Variants in SPOCK2 observed in about 807,000 individuals in gnomAD.
SPOCK2 encodes the protein testican-2.
SPOCK2 carries 39 observed loss-of-function variants against 60.1 expected under a neutral mutation model. The observed-to-expected ratio is 0.65, with a 90% CI of 0.50 to 0.85. The LOEUF is 0.85. Ranked by LOEUF, SPOCK2 falls within the 40% of genes least tolerant of loss-of-function variation. SPOCK2 has a pLI of 0.00. For missense variants in SPOCK2, 523 were observed against 567.4 expected (o/e 0.92, Z 0.80); for synonymous variants, 217 against 231.5 (o/e 0.94, Z 0.57).
rs1206818572 is a variant in SPOCK2, at chr10:72,086,532, G to A, written c.189+1608C>T. ...GCCAGTGACACATGGATTCCGGATG[G>A]GCCGGCCTGCTGCCGCCCCCTCGCT... is the stretch of plus-strand genomic sequence containing the variant. On this transcript the variant is annotated intron_variant, in intron 1 of 10. Coordinates refer to ENST00000373109, the MANE Select transcript of SPOCK2 (RefSeq NM_001244950.2). 6.1e-5 allele frequency: 69 copies of A among 1,136,324 alleles called. 1 individual carries two copies. In the Middle Eastern group the frequency reaches 2.0e-3, roughly 33 times the overall value. The allele number at this position is 1,136,324 out of a possible 1,614,324, so 70.4% of individuals were successfully genotyped here. A position where few individuals can be genotyped will look rare whatever the true frequency, so the allele number is the denominator to read the frequency against.
chr10:72,067,623 G>A lies in SPOCK2; in HGVS notation c.699C>T (p.Gly233=). Residue 233 remains glycine (G), a synonymous_variant, in exon 7 of 11, where the codon GGC becomes GGT. Transcript: ENST00000373109. ...KQNGSASSVA[G]PASGLDKSLG... ...CAGCAAGCTTCCTACCGCTGGCCGG[G>A]CCGGCTACACTGCTGGCTGAGCCAT... 6.2e-7 allele frequency: 1 copy of A among 1,612,848 alleles called. No homozygotes were observed. The highest frequency in any genetic ancestry group is 8.5e-7 in the Non-Finnish European group (1 of 1,180,000).
chr10:72,066,185 TTA>T (rs916187403), intron 8 of SPOCK2, among the ~76,000 whole-genome samples: 7 of 152,084 alleles, frequency 4.6e-5, no homozygotes, highest in African/African-American at 1.7e-4. Context: ...ATGTAATCAC[TTA>T]TTGGTGGCAC....
chr10:72,075,519 G>A (rs569950757), intron 1 of SPOCK2, among the ~76,000 whole-genome samples: 2 of 152,328 alleles, frequency 1.3e-5, no homozygotes, highest in South Asian at 2.1e-4. Flanking sequence ...ACCAGGCCGT[G>A]AGTGGAATTT....
intron 1 of SPOCK2, among the ~76,000 whole-genome samples, chr10:72,083,174 C>T (rs968323494): frequency 7.2e-5 from 11 of 152,210 alleles, no homozygotes; most frequent in Non-Finnish European, 1.2e-4. Flanking sequence ...ATACACCCTC[C>T]CCTAATCTGG....
intron 1 of SPOCK2, among the ~76,000 whole-genome samples, chr10:72,075,235 T>C (rs984628995): frequency 2.0e-5 from 3 of 152,024 alleles, no homozygotes; most frequent in Admixed American, 1.3e-4. Flanking sequence ...TGGCAACTGG[T>C]CTCCATCAGC....
chr10:72,075,452 G>T (rs1840703958), intron 1 of SPOCK2, among the ~76,000 whole-genome samples: 1 of 152,152 alleles, frequency 6.6e-6, no homozygotes, highest in Non-Finnish European at 1.5e-5. Flanking sequence ...GTCATCTGAG[G>T]CCCCTGGCAC....
At chr10:72,074,680 G>T (rs771296156) in intron 1 of SPOCK2, among the ~76,000 whole-genome samples, 1 of 152,166 alleles carries the variant, frequency 6.6e-6, no homozygotes, top group Non-Finnish European at 1.5e-5. Context: ...TGCCTCTTCC[G>T]CAGTGAGAGA....
At chr10:72,066,841 T>G in intron 8 of SPOCK2, 61 bp downstream of exon 8, 1 of 1,597,188 alleles carries the variant, frequency 6.3e-7, no homozygotes, top group Non-Finnish European at 8.6e-7. Context: ...CAAGAGAGCC[T>G]GGAACTTCGG....
In SPOCK2 at chr10:72,068,120, G is replaced by T. The variant is rs141134647; in HGVS notation, c.589+67C>A. The T allele has an allele frequency of 5.4e-5, 82 of 1,524,176 alleles. 1 individual carries two copies. The East Asian group carries it at 1.9e-3, about 35-fold the overall frequency. The allele number at this position is 1,524,176 out of a possible 1,614,324, so 94.4% of individuals were successfully genotyped here. ...TCTGCACACCTCTTCTACCACCCTA[G>T]AGCCCTGAAGGAGGTGCCAGGTGGC... On this transcript the variant is annotated intron_variant, in intron 6 of 10. Coordinates refer to ENST00000373109, the MANE Select transcript of SPOCK2 (RefSeq NM_001244950.2).
Position 72,087,115 on chromosome 10 carries a change from C to G in SPOCK2, c.189+1025G>C. 9.5e-7 allele frequency: 1 copy of G among 1,056,812 alleles called. No homozygotes were observed. The highest frequency in any genetic ancestry group is 1.3e-6 in the Non-Finnish European group (1 of 748,948). 65.5% of individuals were successfully genotyped at this position (1,056,812 alleles called of 1,614,324 possible). On this transcript the variant is annotated intron_variant, in intron 1 of 10. Transcript: ENST00000373109. The surrounding 1 kb of genome is among the most constrained non-coding windows in gnomAD (Gnocchi z 4.7). ...CTGGCGCATCCGGGCCCATCCCCCA[C>G]AGCACCCCCAACGATCTCGGGGTCC... is the stretch of plus-strand genomic sequence containing the variant.
In SPOCK2 at chr10:72,068,180, T is replaced by C; in HGVS notation, c.589+7A>G. 6.2e-7 allele frequency: 1 copy of C among 1,606,528 alleles called. No individual in the cohort carries two copies. Among genetic ancestry groups the C allele is most frequent in the South Asian group, 1.1e-5 (1 of 89,304 alleles). ...CCCCTAGCCTGGTGGCCCAGCACTG[T>C]CCTCACCTGGTTTGCCATCGGCGGT... On this transcript the variant is annotated splice_region_variant and intron_variant, in intron 6 of 10. Coordinates refer to ENST00000373109, the MANE Select transcript of SPOCK2 (RefSeq NM_001244950.2).
At position 72,064,203 on chromosome 10, in the gene SPOCK2, G is replaced by C. The variant is rs1461599901; in HGVS notation, c.966C>G (p.Ile322Met). ...CTGGCTTCTTCTTGGCGGCCTCCTG[G>C]ATCTGGATGCGCTCCAGCTCTGCCA... The part of the protein sequence containing the change: ...PCLAELERIQ[I>M]QEAAKKKPGI... The change falls in exon 9 of 11, where the codon ATC becomes ATG. Residue 322 changes from isoleucine (I) to methionine (M), a missense_variant. Transcript: ENST00000373109. 1.2e-6 allele frequency: 2 copies of C among 1,611,312 alleles called. No homozygotes were observed. The highest frequency in any genetic ancestry group is 1.3e-5 in the African/African-American group (1 of 74,756).
chr10:72,074,015 TG>T (rs969934630), intron 1 of SPOCK2, among the ~76,000 whole-genome samples: 2 of 152,152 alleles, frequency 1.3e-5, no homozygotes, highest in East Asian at 1.9e-4. Context: ...CTCTGGGAGC[TG>T]GGGGGAGAGG....
At chr10:72,074,253 T>C (rs527380722) in intron 1 of SPOCK2, among the ~76,000 whole-genome samples, 4 of 152,058 alleles carry the variant, frequency 2.6e-5, no homozygotes, top group Non-Finnish European at 5.9e-5. Flanking sequence ...CCCTGGAAGC[T>C]GGCAAGCGTC....
chr10:72,063,712 C>A lies in SPOCK2; in HGVS notation c.991+466G>T, dbSNP rs563994243. ...TTGTGTGTTTCCGGACTGGCCCGAGCTAAAGGGTTATGAGGCCAGGGAGTG... is the reference window on the plus strand; with the variant it reads ...TTGTGTGTTTCCGGACTGGCCCGAGATAAAGGGTTATGAGGCCAGGGAGTG... On this transcript the variant is annotated intron_variant, in intron 9 of 10. Coordinates refer to ENST00000373109, the MANE Select transcript of SPOCK2 (RefSeq NM_001244950.2). 1.9e-4 allele frequency among the ~76,000 whole-genome samples: 29 copies of A among 152,316 alleles called. No individual in the cohort carries two copies. The East Asian group carries it at 5.4e-3, about 28-fold the overall frequency.
At chr10:72,063,477 C>G (rs1199377231) in intron 9 of SPOCK2, among the ~76,000 whole-genome samples, 1 of 152,222 alleles carries the variant, frequency 6.6e-6, no homozygotes. Context: ...AGTCTGACTT[C>G]ACCAGGTTTG....
chr10:72,063,006 T>G lies in SPOCK2; in HGVS notation c.1129+19A>C, dbSNP rs1737619598. ...CCAGGCCTGGGCCCCCAGCAGGCCC[T>G]GAGCTGCCCAGCCCGTACCGCAGTC... On this transcript the variant is annotated intron_variant, in intron 10 of 10. Coordinates refer to ENST00000373109, the MANE Select transcript of SPOCK2 (RefSeq NM_001244950.2). 1.2e-5 allele frequency: 19 copies of G among 1,564,986 alleles called. No individual in the cohort carries two copies. The highest frequency in any genetic ancestry group is 1.6e-5 in the Non-Finnish European group (19 of 1,155,508).
intron 1 of SPOCK2, among the ~76,000 whole-genome samples, chr10:72,077,040 G>A (rs934206821): frequency 1.3e-5 from 2 of 152,180 alleles, no homozygotes; most frequent in Non-Finnish European, 2.9e-5. Context: ...CCTGGCCCAC[G>A]GTGTGTCCTC....
chr10:72,070,291 C>T, intron 5 of SPOCK2, 21 bp downstream of exon 5: 1 of 1,612,468 alleles, frequency 6.2e-7, no homozygotes, highest in Non-Finnish European at 8.5e-7. Flanking sequence ...CCCCACCCTA[C>T]CTGGGGCCTG....
Sources: gnomAD v4.1 joint callset for allele counts (sites outside exome capture counted in the v4.1 genomes callset) on GRCh38, gnomAD v4.1.1 for gene constraint, Gnocchi (gnomAD v3.1) non-coding constraint, MANE v1.5 for transcripts, NCBI Gene and HGNC (gene_info 2026-07-23, HGNC 2026-07-21) for gene names.